Variants in DCP1B observed in about 807,000 individuals in gnomAD.
DCP1B encodes the protein mRNA-decapping enzyme 1B.
DCP1B carries 47 observed loss-of-function variants against 60.5 expected under a neutral mutation model. The observed-to-expected ratio is 0.78, with a 90% CI of 0.61 to 0.99. DCP1B has a LOEUF of 0.99. Ranked by LOEUF, DCP1B falls within the 50% of genes least tolerant of loss-of-function variation. The pLI is 0.00. For synonymous variants in DCP1B, 267 were observed against 280.3 expected, an observed-to-expected ratio of 0.95 and a Z score of 0.47; for missense variants, 725 against 756.8, an observed-to-expected ratio of 0.96 and a Z score of 0.49.
chr12:1,947,984 A>G (rs1428443442), intron 8 of DCP1B, among the ~76,000 whole-genome samples: 1 of 152,196 alleles, frequency 6.6e-6, no homozygotes, highest in African/African-American at 2.4e-5. Context: ...ACCTTTTTAA[A>G]AATGTTGTAC....
intron 3 of DCP1B, among the ~76,000 whole-genome samples, chr12:1,985,955 T>G (rs564788125): frequency 1.3e-5 from 2 of 152,106 alleles, no homozygotes; most frequent in South Asian, 2.1e-4. Flanking sequence ...GGACTGCAGG[T>G]GCCTGCCACC....
chr12:1,995,756 C>T (rs2040640673), intron 2 of DCP1B, among the ~76,000 whole-genome samples: 1 of 152,222 alleles, frequency 6.6e-6, no homozygotes, highest in South Asian at 2.1e-4. Context: ...TCCTTGCTGG[C>T]CCTCAAACCT....
chr12:1,999,643 T>C (rs1310204532), intron 1 of DCP1B, among the ~76,000 whole-genome samples: 1 of 152,102 alleles, frequency 6.6e-6, no homozygotes, highest in East Asian at 1.9e-4. Flanking sequence ...GGAGGATTGC[T>C]TCAGCCCAGG....
chr12:1,991,963 A>G, intron 3 of DCP1B: 1 of 196,090 alleles, frequency 5.1e-6, no homozygotes, highest in Non-Finnish European at 1.1e-5. Flanking sequence ...TATTAATTTG[A>G]CATAAAATCT....
intron 1 of DCP1B, among the ~76,000 whole-genome samples, chr12:2,001,877 T>A (rs2042271175): frequency 6.6e-6 from 1 of 152,152 alleles, no homozygotes; most frequent in Admixed American, 6.5e-5. Context: ...CAAAAACGTC[T>A]CCAGACACTG....
intron 5 of DCP1B, among the ~76,000 whole-genome samples, chr12:1,957,573 T>C (rs1241553806): frequency 6.6e-6 from 1 of 152,210 alleles, no homozygotes; most frequent in Non-Finnish European, 1.5e-5. Flanking sequence ...AAAACACAAA[T>C]AGTCCACTTC....
At chr12:2,000,615 G>T (rs1013373576) in intron 1 of DCP1B, among the ~76,000 whole-genome samples, 4 of 152,068 alleles carry the variant, frequency 2.6e-5, no homozygotes, top group African/African-American at 9.7e-5. Flanking sequence ...TACACACAAA[G>T]AATATGAGTT....
chr12:1,946,390 C>G (rs1174996951), intron 8 of DCP1B, 104 bp from the exon 9 acceptor site: 1 of 770,040 alleles, frequency 1.3e-6, no homozygotes, highest in Non-Finnish European at 2.0e-6. Context: ...CTGAGACACT[C>G]ATCTCTCCCT....
At chr12:1,954,200 G>C (rs989765919) in intron 6 of DCP1B, among the ~76,000 whole-genome samples, 7 of 150,540 alleles carry the variant, frequency 4.6e-5, no homozygotes, top group Admixed American at 4.6e-4. Flanking sequence ...AAATAAAAGA[G>C]GAAAGAAAAA....
intron 7 of DCP1B, chr12:1,950,283 A>C: frequency 1.4e-6 from 1 of 702,116 alleles, no homozygotes; most frequent in Non-Finnish European, 2.6e-6. Context: ...GGTGCTGAGC[A>C]GTGATGCTCC....
At chr12:1,945,361 A>G (rs1433432569), downstream of DCP1B, among the ~76,000 whole-genome samples, 1 of 152,238 alleles carries the variant, frequency 6.6e-6, no homozygotes, top group Non-Finnish European at 1.5e-5. Context: ...ATTGTGGAAG[A>G]CAGTGTGGTG....
intron 3 of DCP1B, among the ~76,000 whole-genome samples, chr12:1,975,215 T>C (rs373975507): frequency 2.0e-4 from 31 of 152,282 alleles, no homozygotes; most frequent in East Asian, 1.2e-3. Context: ...ACCCTTTATG[T>C]TTAAACAGTT....
chr12:1,949,464 G>A (rs1222037835), intron 7 of DCP1B, 130 bp from the exon 8 acceptor site: 8 of 1,306,504 alleles, frequency 6.1e-6, no homozygotes, highest in East Asian at 4.9e-5. Context: ...AAGTTTATGG[G>A]AAACTGATTC....
chr12:2,003,741 T>C (rs779505999), intron 1 of DCP1B, among the ~76,000 whole-genome samples: 3 of 152,218 alleles, frequency 2.0e-5, no homozygotes, highest in Non-Finnish European at 2.9e-5. Flanking sequence ...CTGCCCCATT[T>C]TGTCTTTTAT....
intron 4 of DCP1B, among the ~76,000 whole-genome samples, chr12:1,966,513 G>A (rs1050561709): frequency 6.6e-6 from 1 of 152,212 alleles, no homozygotes; most frequent in East Asian, 1.9e-4. Flanking sequence ...TACTTACTGA[G>A]AGACTTAATT....
At chr12:1,998,087 T>C in intron 1 of DCP1B, 112 bp from the exon 2 acceptor site, 1 of 810,372 alleles carries the variant, frequency 1.2e-6, no homozygotes, top group Non-Finnish European at 1.9e-6. Context: ...GGGCCAAATA[T>C]ACCCAACATG....
At chr12:2,001,278 A>C (rs1025719716) in intron 1 of DCP1B, among the ~76,000 whole-genome samples, 1 of 152,156 alleles carries the variant, frequency 6.6e-6, no homozygotes, top group Non-Finnish European at 1.5e-5. Context: ...AGCTAAAACA[A>C]GATTAGATGT....
At chr12:1,994,286 T>TGCTA (rs909478885) in intron 2 of DCP1B, among the ~76,000 whole-genome samples, 2 of 152,206 alleles carry the variant, frequency 1.3e-5, no homozygotes, top group African/African-American at 4.8e-5. Flanking sequence ...TAAATGAGGG[T>TGCTA]GCTAGGGCTG....
chr12:1,988,239 C>A (rs1316729610), intron 3 of DCP1B, among the ~76,000 whole-genome samples: 1 of 152,190 alleles, frequency 6.6e-6, no homozygotes, highest in Non-Finnish European at 1.5e-5. Flanking sequence ...ACCTCTGTGC[C>A]ATGTTATCTT....
Sources: allele counts gnomAD v4.1 joint callset (sites outside exome capture counted in the v4.1 genomes callset), GRCh38; gene constraint gnomAD v4.1.1; transcripts MANE v1.5; gene names NCBI Gene and HGNC (gene_info 2026-07-23, HGNC 2026-07-21).